The following BCAS3 variants were observed in gnomAD, a reference collection of about 807,000 sequenced individuals.
BCAS3 encodes BCAS3 microtubule associated cell migration factor, also known as BCAS4/BCAS3 fusion.
A neutral mutation model predicts 116.1 loss-of-function variants in BCAS3; 53 were observed. The observed-to-expected ratio is 0.46, with a 90% CI of 0.37 to 0.57. BCAS3 has a LOEUF of 0.57. Among genes scored for constraint, BCAS3 ranks in the 20% least tolerant of loss-of-function variants. The pLI is 0.00. For missense variants in BCAS3, 917 were observed against 1,165.4 expected (o/e 0.79, Z 3.10); for synonymous variants, 391 against 408.2 (o/e 0.96, Z 0.51).
At chr17:60,843,219 ATTTT>A (rs10716314) in intron 7 of BCAS3, among the ~76,000 whole-genome samples, 1 of 136,050 alleles carries the variant, frequency 7.4e-6, no homozygotes. Context: ...TTGTTTGTTA[ATTTT>A]TTTTTTTTTT....
chr17:61,306,600 A>G (rs2053873653), intron 22 of BCAS3, among the ~76,000 whole-genome samples: 1 of 152,096 alleles, frequency 6.6e-6, no homozygotes, highest in Admixed American at 6.6e-5. Flanking sequence ...AATGTGAAGA[A>G]ACCCAGTCTC....
intron 11 of BCAS3, 130 bp downstream of exon 11, chr17:60,902,833 T>A: frequency 1.4e-6 from 1 of 710,856 alleles, no homozygotes; most frequent in Non-Finnish European, 2.3e-6. Flanking sequence ...ATTTTAAGTC[T>A]GTTAACTAGC....
chr17:60,907,436 C>G (rs1417635077), intron 11 of BCAS3, among the ~76,000 whole-genome samples: 3 of 152,142 alleles, frequency 2.0e-5, no homozygotes, highest in Non-Finnish European at 1.5e-5. Flanking sequence ...TTTGTGAGAG[C>G]AGCACCATTA....
Position 61,172,966 on chromosome 17 carries a change from C to T in BCAS3, c.2425+88402C>T, listed in dbSNP as rs149502571. 7.3e-3 allele frequency among the ~76,000 whole-genome samples: 1,072 copies of T among 147,860 alleles called. 37 individuals carry two copies. Among genetic ancestry groups the T allele is most frequent in the Admixed American group, 0.052 (768 of 14,670 alleles). ...TGACGCCACTGCACTCCAGCCTGGG[C>T]GACAGAGCAAGATTCCATCTCAAAT... On this transcript the variant is annotated intron_variant, in intron 22 of 23. Transcript: ENST00000407086.
intron 22 of BCAS3, among the ~76,000 whole-genome samples, chr17:61,262,549 T>C (rs1322638597): frequency 1.3e-5 from 2 of 151,984 alleles, no homozygotes; most frequent in African/African-American, 4.8e-5. Context: ...CCCAGCTAAT[T>C]TTTGTATTGT....
At chr17:61,155,494 CAAA>C (rs11327492) in intron 22 of BCAS3, among the ~76,000 whole-genome samples, 78 of 125,352 alleles carry the variant, frequency 6.2e-4, no homozygotes, top group Non-Finnish European at 7.0e-4. Context: ...AGAGTGGTAG[CAAA>C]AAAAAAAAAA....
At chr17:60,678,638 C>T (rs965803946) in intron 1 of BCAS3, among the ~76,000 whole-genome samples, 1 of 152,092 alleles carries the variant, frequency 6.6e-6, no homozygotes, top group African/African-American at 2.4e-5. Flanking sequence ...CAAATAATTA[C>T]TTGACTTATT....
chr17:61,016,646 A>G (rs1163201294), intron 16 of BCAS3, among the ~76,000 whole-genome samples: 1 of 152,192 alleles, frequency 6.6e-6, no homozygotes, highest in Non-Finnish European at 1.5e-5. Flanking sequence ...TAGGCAAATT[A>G]TTTGTTTTCC....
chr17:61,024,095 A>C (rs1251272495), intron 16 of BCAS3, among the ~76,000 whole-genome samples: 1 of 152,168 alleles, frequency 6.6e-6, no homozygotes, highest in Non-Finnish European at 1.5e-5. Flanking sequence ...GGGAGAGTGA[A>C]GTCATAGGTG....
At chr17:60,720,639 AAC>A (rs1465711460) in intron 5 of BCAS3, among the ~76,000 whole-genome samples, 1 of 152,270 alleles carries the variant, frequency 6.6e-6, no homozygotes, top group African/African-American at 2.4e-5. Context: ...AATAAAAAAT[AAC>A]ACAAATAAAA....
At position 61,226,678 on chromosome 17, in the gene BCAS3, T is replaced by C. The variant is rs143128932; in HGVS notation, c.2426-141649T>C. On this transcript the variant is annotated intron_variant, in intron 22 of 23. Transcript: ENST00000407086. This position sits in a 1 kb window ranked among gnomAD's most constrained non-coding sequence, Gnocchi z 6.0. ...ATGTGTATTTTCTGTATTTTTTCCT[T>C]TTTTGCCATCAAAGCTGAGAACCTT... Among the ~76,000 whole-genome samples the C allele has an allele frequency of 2.2e-4, 34 of 152,332 alleles. 1 individual carries two copies. In the East Asian group the frequency reaches 6.6e-3, roughly 29 times the overall value.
intron 19 of BCAS3, among the ~76,000 whole-genome samples, chr17:61,046,494 T>C (rs2068365900): frequency 6.6e-6 from 1 of 151,814 alleles, no homozygotes; most frequent in Non-Finnish European, 1.5e-5. Flanking sequence ...TATTTGCATA[T>C]GACCCACGCA....
chr17:60,810,405 G>T, intron 7 of BCAS3: 1 of 504,846 alleles, frequency 2.0e-6, no homozygotes, highest in South Asian at 1.7e-5. Flanking sequence ...TCCAGAATGA[G>T]AAAGAGACCA....
Position 61,344,220 on chromosome 17 carries a change from C to T in BCAS3, c.2426-24107C>T, listed in dbSNP as rs1214291582. On this transcript the variant is annotated intron_variant, in intron 22 of 23. Transcript: ENST00000407086. This position sits in a 1 kb window ranked among gnomAD's most constrained non-coding sequence, Gnocchi z 4.1. ...CTTTGCTTAGGAGAACCTGAGTTCA[C>T]CTGCCAAAATCATCCTTTGACATTA... is the stretch of plus-strand genomic sequence containing the variant. Among the ~76,000 whole-genome samples the T allele has an allele frequency of 6.6e-6, 1 of 151,992 alleles. No individual in the cohort carries two copies. The highest frequency in any genetic ancestry group is 1.5e-5 in the Non-Finnish European group (1 of 68,000).
At chr17:61,210,066 T>A (rs958428462) in intron 22 of BCAS3, among the ~76,000 whole-genome samples, 6 of 152,252 alleles carry the variant, frequency 3.9e-5, no homozygotes, top group Non-Finnish European at 7.3e-5. Context: ...AGGGAAGTTC[T>A]GCAGAGTGCT....
At chr17:60,926,602 G>A (rs1367329760) in intron 13 of BCAS3, among the ~76,000 whole-genome samples, 1 of 152,084 alleles carries the variant, frequency 6.6e-6, no homozygotes, top group Admixed American at 6.6e-5. Context: ...TAAGTTAAAT[G>A]TGAAAAAACA....
intron 23 of BCAS3, among the ~76,000 whole-genome samples, chr17:61,375,214 C>G (rs1409842117): frequency 1.5e-5 from 1 of 68,804 alleles, no homozygotes; most frequent in Admixed American, 1.8e-4. Context: ...CCTAAAAGCA[C>G]TATTTGTGTG....
intron 22 of BCAS3, among the ~76,000 whole-genome samples, chr17:61,174,448 C>A (rs1028850778): frequency 6.6e-6 from 1 of 152,220 alleles, no homozygotes; most frequent in Non-Finnish European, 1.5e-5. Context: ...TTTCACTTAG[C>A]ATAATGTCCT....
At chr17:61,059,555 G>C (rs192309006) in intron 19 of BCAS3, among the ~76,000 whole-genome samples, 68 of 152,300 alleles carry the variant, frequency 4.5e-4, no homozygotes, top group Admixed American at 8.5e-4. Context: ...CCCTTCTTCC[G>C]TGAGGTCTTT....
Sources: allele counts gnomAD v4.1 joint callset (sites outside exome capture counted in the v4.1 genomes callset), GRCh38; gene constraint gnomAD v4.1.1; non-coding constraint Gnocchi (gnomAD v3.1); transcripts MANE v1.5; gene names NCBI Gene and HGNC (gene_info 2026-07-23, HGNC 2026-07-21).